Variants in NOL10 observed in about 807,000 individuals in gnomAD.
NOL10 encodes the protein H_NH0074G24.1.
Under a neutral mutation model 103.5 loss-of-function variants are expected in NOL10, and 58 were observed. The ratio of observed to expected loss-of-function variants is 0.56; its 90% CI spans 0.45 to 0.70. The LOEUF is 0.70. Ranked by LOEUF, NOL10 falls within the 30% of genes least tolerant of loss-of-function variation. NOL10 has a pLI of 0.00. For synonymous variants in NOL10, 287 were observed against 282.5 expected (o/e 1.02, Z -0.16); for missense variants, 763 against 807.3 (o/e 0.95, Z 0.67).
intron 1 of NOL10, among the ~76,000 whole-genome samples, chr2:10,689,443 T>A (rs1682458521): frequency 6.6e-6 from 1 of 152,184 alleles, no homozygotes. Context: ...GGGGGAGAGA[T>A]GTGTCAACGA....
chr2:10,630,357 C>T (rs1052683565), intron 13 of NOL10, among the ~76,000 whole-genome samples: 1 of 152,136 alleles, frequency 6.6e-6, no homozygotes, highest in African/African-American at 2.4e-5. Context: ...TTCTACTATG[C>T]AATGTGGAAG....
At chr2:10,621,080 C>CA (rs1276902290) in intron 13 of NOL10, among the ~76,000 whole-genome samples, 1 of 152,158 alleles carries the variant, frequency 6.6e-6, no homozygotes, top group Non-Finnish European at 1.5e-5. Flanking sequence ...AGGCGTGCGT[C>CA]ACTGTGCCTG....
At chr2:10,689,677 G>A in intron 1 of NOL10, 119 bp downstream of exon 1, 1 of 1,022,592 alleles carries the variant, frequency 9.8e-7, no homozygotes, top group Non-Finnish European at 1.5e-6. Context: ...GCCTCCCCGA[G>A]TCGGGGGGTG....
chr2:10,627,722 CA>C (rs1157476265), intron 13 of NOL10, among the ~76,000 whole-genome samples: 5 of 148,774 alleles, frequency 3.4e-5, no homozygotes, highest in Non-Finnish European at 7.4e-5. Flanking sequence ...ACAACAACAA[CA>C]AAAAACACAT....
chr2:10,591,882 A>T (rs1675409449), intron 17 of NOL10, among the ~76,000 whole-genome samples: 1 of 152,154 alleles, frequency 6.6e-6, no homozygotes, highest in Admixed American at 6.5e-5. Context: ...GCATGCCTGT[A>T]GTCCCAGCTA....
At chr2:10,667,316 A>C in intron 7 of NOL10, 38 bp from the exon 8 acceptor site, 2 of 1,403,590 alleles carry the variant, frequency 1.4e-6, no homozygotes, top group Non-Finnish European at 2.0e-6. Context: ...TGAATTAGTT[A>C]GCACCTACTT....
chr2:10,620,549 A>G (rs1207939515), intron 13 of NOL10, among the ~76,000 whole-genome samples: 1 of 152,240 alleles, frequency 6.6e-6, no homozygotes, highest in African/African-American at 2.4e-5. Flanking sequence ...CCCCAAATAA[A>G]GCTGAAGGAA....
At chr2:10,605,246 T>C (rs578187996) in intron 14 of NOL10, among the ~76,000 whole-genome samples, 123 of 152,304 alleles carry the variant, frequency 8.1e-4, no homozygotes, top group Admixed American at 1.3e-3. Context: ...ACAGACGTAA[T>C]TTTCCAAAGA....
chr2:10,606,484 T>C (rs1676265804), intron 14 of NOL10, among the ~76,000 whole-genome samples: 1 of 151,780 alleles, frequency 6.6e-6, no homozygotes, highest in Non-Finnish European at 1.5e-5. Flanking sequence ...AGTGCACATC[T>C]GTAATCCCAG....
At chr2:10,598,038 G>A (rs555940415) in intron 17 of NOL10, among the ~76,000 whole-genome samples, 4 of 152,296 alleles carry the variant, frequency 2.6e-5, no homozygotes, top group Admixed American at 6.5e-5. Flanking sequence ...TTCTTGATTC[G>A]CACGGTGCCA....
rs1330060940 is a variant in NOL10 at position 10,587,228 on chromosome 2, CAT to C, written c.1844+1813_1844+1814del. ...ACACATATATATATACATATATATA[CAT>C]ATATATATACATACATATATATATA... is the stretch of plus-strand genomic sequence containing the variant. On this transcript the variant is annotated intron_variant, in intron 19 of 20. Transcript: ENST00000381685. Among the ~76,000 whole-genome samples the C allele has an allele frequency of 1.6e-3, 58 of 37,250 alleles. 13 individuals are homozygous for C. The highest frequency in any genetic ancestry group is 5.4e-3 in the African/African-American group (32 of 5,968). 24.4% of individuals were successfully genotyped at this position (37,250 alleles called of 152,430 possible). A position where few individuals can be genotyped will look rare whatever the true frequency, so the allele number is the denominator to read the frequency against.
chr2:10,628,889 G>A (rs1038015161), intron 13 of NOL10, among the ~76,000 whole-genome samples: 1 of 152,166 alleles, frequency 6.6e-6, no homozygotes, highest in African/African-American at 2.4e-5. Context: ...TCCATCACTG[G>A]AGCCATCCTA....
chr2:10,601,860 G>A (rs1675991078), intron 16 of NOL10, among the ~76,000 whole-genome samples: 1 of 152,188 alleles, frequency 6.6e-6, no homozygotes, highest in Non-Finnish European at 1.5e-5. Context: ...AAAAAGTACT[G>A]AGGGTAAATG....
chr2:10,637,079 G>A (rs1040007658), intron 13 of NOL10, among the ~76,000 whole-genome samples: 2 of 150,246 alleles, frequency 1.3e-5, no homozygotes, highest in Admixed American at 6.7e-5. Context: ...GTGCGTACCT[G>A]CAATCCCAGC....
intron 13 of NOL10, among the ~76,000 whole-genome samples, chr2:10,640,932 C>T (rs1322369940): frequency 2.0e-5 from 3 of 152,160 alleles, no homozygotes; most frequent in African/African-American, 7.2e-5. Context: ...TGCCTGTAAT[C>T]CCAGCACTTT....
intron 12 of NOL10, among the ~76,000 whole-genome samples, chr2:10,651,094 T>C (rs1166592895): frequency 2.0e-5 from 3 of 152,140 alleles, no homozygotes; most frequent in Admixed American, 6.5e-5. Context: ...AAAACTGACC[T>C]GAGAAATCAA....
At chr2:10,614,773 T>C (rs1676749523) in intron 13 of NOL10, among the ~76,000 whole-genome samples, 1 of 152,206 alleles carries the variant, frequency 6.6e-6, no homozygotes, top group Non-Finnish European at 1.5e-5. Context: ...CATAGCTACA[T>C]ATGGTAAATA....
rs140831998 is a variant in NOL10, at chr2:10,684,540, GC to G, written c.112+26del. 896 of 1,550,206 alleles carry G rather than the reference GC, an allele frequency of 5.8e-4. 16 individuals carry two copies. The East Asian group carries it at 0.02, about 34-fold the overall frequency. On this transcript the variant is annotated intron_variant, in intron 2 of 20. Coordinates refer to ENST00000381685, the MANE Select transcript of NOL10 (RefSeq NM_024894.4). ...CATTAGAACATGGATCACTAACGCA[GC>G]TGAAGTGGGAAAAAACAATACTCAC...
intron 13 of NOL10, among the ~76,000 whole-genome samples, chr2:10,634,946 C>T (rs1176563673): frequency 6.6e-6 from 1 of 152,102 alleles, no homozygotes; most frequent in Non-Finnish European, 1.5e-5. Context: ...GATGACTGTA[C>T]ACGTCTGTCC....
Sources: allele counts gnomAD v4.1 joint callset (sites outside exome capture counted in the v4.1 genomes callset), GRCh38; gene constraint gnomAD v4.1.1; transcripts MANE v1.5; gene names NCBI Gene and HGNC (gene_info 2026-07-23, HGNC 2026-07-21).